The following PDE8B variants were observed in gnomAD, a reference collection of about 807,000 sequenced individuals.
PDE8B encodes the protein high affinity cAMP-specific and IBMX-insensitive 3',5'-cyclic phosphodiesterase 8B.
Under a neutral mutation model 101.3 loss-of-function variants are expected in PDE8B, and 26 were observed. That is an observed-to-expected ratio of 0.26 (90% CI 0.19 to 0.36). PDE8B has a LOEUF of 0.36. Ranked by LOEUF, PDE8B falls within the 10% of genes least tolerant of loss-of-function variation. PDE8B has a pLI of 1.00. For synonymous variants in PDE8B, 424 were observed against 429.3 expected (o/e 0.99, Z 0.15); for missense variants, 810 against 1,163.1 (o/e 0.70, Z 4.42).
intron 1 of PDE8B, chr5:77,291,614 C>T: frequency 6.3e-7 from 1 of 1,597,532 alleles, no homozygotes; most frequent in Non-Finnish European, 8.6e-7. Flanking sequence ...AAGGATCAGA[C>T]TGTGGCACTG....
the PDE8B span, among the ~76,000 whole-genome samples, chr5:77,169,563 G>C: frequency 6.6e-6 from 1 of 152,170 alleles, no homozygotes; most frequent in Admixed American, 6.5e-5. Flanking sequence ...GGAGGTCAGA[G>C]CAGGCAGCAG....
At chr5:77,147,944 C>T in the PDE8B span, 1 of 152,154 alleles carries the variant, frequency 6.6e-6, no homozygotes, top group African/African-American at 2.4e-5. Flanking sequence ...GAGCTAAACA[C>T]ATACACCTGG....
the PDE8B span, among the ~76,000 whole-genome samples, chr5:77,103,946 A>G: frequency 6.6e-6 from 1 of 152,250 alleles, no homozygotes; most frequent in South Asian, 2.1e-4. Flanking sequence ...TGAGAGAGTC[A>G]TCAATAAAAA....
chr5:77,284,298 T>C (rs1765570393), intron 1 of PDE8B, among the ~76,000 whole-genome samples: 1 of 152,204 alleles, frequency 6.6e-6, no homozygotes, highest in Admixed American at 6.5e-5. Context: ...TGACAGTATC[T>C]TTTGCAGAGC....
At chr5:77,260,173 AG>A (rs1760216104) in intron 1 of PDE8B, among the ~76,000 whole-genome samples, 4 of 146,944 alleles carry the variant, frequency 2.7e-5, no homozygotes, top group South Asian at 2.2e-4. Context: ...AAAAAAAAAA[AG>A]AAAAAAAAGA....
At chr5:77,373,813 A>G (rs564098018) in intron 10 of PDE8B, among the ~76,000 whole-genome samples, 5 of 152,124 alleles carry the variant, frequency 3.3e-5, no homozygotes, top group African/African-American at 4.8e-5. Context: ...TATCCTTTTT[A>G]TCATTATAAA....
chr5:77,210,044 C>T (rs759316333), upstream of PDE8B, among the ~76,000 whole-genome samples: 1 of 152,080 alleles, frequency 6.6e-6, no homozygotes, highest in Non-Finnish European at 1.5e-5. The surrounding 1 kb of genome is among the most constrained non-coding windows in gnomAD (Gnocchi z 4.9). Context: ...CATCACTTCC[C>T]GGGTGTGTTG....
intron 1 of PDE8B, among the ~76,000 whole-genome samples, chr5:77,311,419 G>A (rs1351010669): frequency 6.6e-6 from 1 of 152,102 alleles, no homozygotes; most frequent in Non-Finnish European, 1.5e-5. Flanking sequence ...TTTATTTGTG[G>A]AACTACAACT....
the PDE8B span, among the ~76,000 whole-genome samples, chr5:77,165,143 T>A: frequency 5.9e-5 from 9 of 152,204 alleles, no homozygotes; most frequent in Admixed American, 5.2e-4. Flanking sequence ...TCACACATCA[T>A]ACACAACAGT....
At chr5:77,202,370 A>C in the PDE8B span, among the ~76,000 whole-genome samples, 1 of 152,296 alleles carries the variant, frequency 6.6e-6, no homozygotes, top group East Asian at 1.9e-4. Flanking sequence ...AATCCCTGAA[A>C]CAGCAAGATC....
intron 17 of PDE8B, 142 bp from the exon 18 acceptor site, chr5:77,418,087 A>T (rs1795938200): frequency 1.4e-6 from 1 of 702,746 alleles, no homozygotes. Context: ...CCGCCTCTCC[A>T]CATCTAGGTC....
At chr5:77,136,804 G>A in the PDE8B span, among the ~76,000 whole-genome samples, 8 of 152,112 alleles carry the variant, frequency 5.3e-5, no homozygotes, top group South Asian at 2.1e-4. Context: ...TTTTACTCTG[G>A]ATTCTAACCC....
the PDE8B span, among the ~76,000 whole-genome samples, chr5:77,130,245 G>T: frequency 6.6e-6 from 1 of 152,200 alleles, no homozygotes; most frequent in Admixed American, 6.5e-5. Flanking sequence ...GTAGCTATCT[G>T]CAAAAGTTGT....
At chr5:77,098,406 C>T in the PDE8B span, among the ~76,000 whole-genome samples, 10 of 152,226 alleles carry the variant, frequency 6.6e-5, no homozygotes, top group Non-Finnish European at 1.0e-4. Context: ...ACCTCAGCCT[C>T]CCAAGCAGCT....
intron 10 of PDE8B, among the ~76,000 whole-genome samples, chr5:77,378,127 T>C (rs1786638437): frequency 6.6e-6 from 1 of 151,770 alleles, no homozygotes; most frequent in South Asian, 2.1e-4. Flanking sequence ...AACTGAGACT[T>C]AGTAAAGCTC....
At chr5:77,422,993 T>A (rs980772712) in intron 20 of PDE8B, among the ~76,000 whole-genome samples, 1 of 152,188 alleles carries the variant, frequency 6.6e-6, no homozygotes, top group Non-Finnish European at 1.5e-5. Flanking sequence ...ACCCAATAAG[T>A]AGTTTTTCAA....
At chr5:77,170,048 G>T in the PDE8B span, among the ~76,000 whole-genome samples, 1 of 152,158 alleles carries the variant, frequency 6.6e-6, no homozygotes. Flanking sequence ...TAATGTGGAG[G>T]TTACCCCTGA....
intron 1 of PDE8B, among the ~76,000 whole-genome samples, chr5:77,285,522 G>A (rs1033799983): frequency 1.3e-5 from 2 of 151,968 alleles, no homozygotes; most frequent in African/African-American, 4.8e-5. Flanking sequence ...AGTTTTTCTC[G>A]GGCCGCTTTT....
chr5:77,096,814 A>G, the PDE8B span, among the ~76,000 whole-genome samples: 2 of 152,130 alleles, frequency 1.3e-5, no homozygotes, highest in Non-Finnish European at 2.9e-5. Flanking sequence ...CCCCCTTCTT[A>G]TAAGGATACC....
Sources: allele counts gnomAD v4.1 joint callset (sites outside exome capture counted in the v4.1 genomes callset), GRCh38; gene constraint gnomAD v4.1.1; non-coding constraint Gnocchi (gnomAD v3.1); transcripts MANE v1.5; gene names NCBI Gene and HGNC (gene_info 2026-07-23, HGNC 2026-07-21).